The following RTN1 variants were observed in gnomAD, a reference collection of about 807,000 sequenced individuals.
RTN1 encodes the protein reticulon 1.
Under a neutral mutation model 65.5 loss-of-function variants are expected in RTN1, and 25 were observed. That is an observed-to-expected ratio of 0.38 (90% CI 0.28 to 0.53). RTN1 has a LOEUF of 0.53. RTN1 is among the 20% of genes least tolerant of loss of function. The pLI, the probability that RTN1 is intolerant of heterozygous loss-of-function variation, is 0.79. For missense variants in RTN1, 983 were observed against 1,025.4 expected (o/e 0.96, Z 0.57); for synonymous variants, 471 against 447.6 (o/e 1.05, Z -0.66).
rs185208011 is a variant in RTN1, at chr14:59,821,329, C to T, written c.241+49061G>A. Reference sequence around the variant, plus strand: ...TCTCAGCTTGGATGTTGTTGGTCTACAGAAATGCTCCTGATTTTTGTACGT... The same window carrying T: ...TCTCAGCTTGGATGTTGTTGGTCTATAGAAATGCTCCTGATTTTTGTACGT... On this transcript the variant is annotated intron_variant, in intron 1 of 8. Transcript: ENST00000267484. 2.0e-5 allele frequency among the ~76,000 whole-genome samples: 3 copies of T among 152,280 alleles called. No individual in the cohort carries two copies. In the East Asian group the frequency reaches 5.8e-4, roughly 29 times the overall value.
intron 3 of RTN1, among the ~76,000 whole-genome samples, chr14:59,703,855 T>C (rs1425653410): frequency 6.6e-6 from 1 of 152,224 alleles, no homozygotes; most frequent in Non-Finnish European, 1.5e-5. Context: ...TGACCATTAT[T>C]TAAAATGGCA....
chr14:59,823,252 T>C (rs560328811), intron 1 of RTN1, among the ~76,000 whole-genome samples: 1 of 152,266 alleles, frequency 6.6e-6, no homozygotes, highest in African/African-American at 2.4e-5. Flanking sequence ...CCTTTGTCAT[T>C]ATGTAATGTC....
At chr14:59,731,785 T>G (rs1296318841) in intron 2 of RTN1, among the ~76,000 whole-genome samples, 5 of 152,190 alleles carry the variant, frequency 3.3e-5, no homozygotes, top group African/African-American at 7.2e-5. Flanking sequence ...TTCTTCAGAT[T>G]TTCCTCCTAG....
At chr14:59,813,982 A>G (rs1045528224) in intron 1 of RTN1, among the ~76,000 whole-genome samples, 1 of 152,236 alleles carries the variant, frequency 6.6e-6, no homozygotes, top group African/African-American at 2.4e-5. Flanking sequence ...GCATGTTATC[A>G]GAAACACTTT....
chr14:59,743,138 T>C (rs112306399), intron 2 of RTN1, among the ~76,000 whole-genome samples: 2,577 of 152,296 alleles, frequency 0.017, 74 homozygotes, highest in African/African-American at 0.06. Flanking sequence ...AACCCCATAC[T>C]GTCAAGTGGG....
intron 1 of RTN1, among the ~76,000 whole-genome samples, chr14:59,852,192 AG>A (rs1041036281): frequency 2.0e-5 from 3 of 152,254 alleles, no homozygotes; most frequent in African/African-American, 7.2e-5. Context: ...AATGGCACAT[AG>A]GGGCTACAAT....
chr14:59,865,274 T>C (rs1183757058), intron 1 of RTN1, among the ~76,000 whole-genome samples: 1 of 152,154 alleles, frequency 6.6e-6, no homozygotes, highest in Non-Finnish European at 1.5e-5. Flanking sequence ...AAATCACTTA[T>C]CAATTTCAGC....
At chr14:59,683,360 C>T (rs184728720) in intron 3 of RTN1, among the ~76,000 whole-genome samples, 6 of 151,832 alleles carry the variant, frequency 4.0e-5, no homozygotes, top group Admixed American at 2.6e-4. Context: ...TTTGAAATGA[C>T]GTGGATTCAA....
chr14:59,623,182 C>T (rs540777066), intron 3 of RTN1, among the ~76,000 whole-genome samples: 8 of 152,352 alleles, frequency 5.3e-5, no homozygotes, highest in Admixed American at 6.5e-5. Flanking sequence ...GACTCCTCCT[C>T]GGGCTGGACT....
chr14:59,685,731 C>T (rs1235623571), intron 3 of RTN1, among the ~76,000 whole-genome samples: 1 of 152,120 alleles, frequency 6.6e-6, no homozygotes, highest in Non-Finnish European at 1.5e-5. Flanking sequence ...GTTAACATGT[C>T]CATCCTACCC....
intron 3 of RTN1, among the ~76,000 whole-genome samples, chr14:59,667,580 A>G (rs1333547526): frequency 1.3e-5 from 2 of 152,222 alleles, no homozygotes; most frequent in South Asian, 4.1e-4. Flanking sequence ...CACCACTCCT[A>G]TTCAACATAG....
chr14:59,726,926 C>A lies in RTN1; in HGVS notation c.1758G>T (p.Lys586Asn). Residue 586 changes from lysine to asparagine, a missense_variant, in exon 3 of 9, where the codon AAG (lysine) becomes AAT (asparagine). By Grantham distance (94) the Lys-to-Asn change is moderately conservative. Around this residue, in one of 2 missense-constraint regions of RTN1, gnomAD observed 818 missense variants for 801.8 expected, o/e 1.02. Transcript: ENST00000267484. The part of the protein sequence containing the change: ...GAPPPLLFLN[K>N]QKAIDLLYWR... ...CTGCTTGGGATCCTTTACCTTTTTGCTTATTGAGAAACAGCAGTGGGGGCG... is the reference window on the plus strand; with the variant it reads ...CTGCTTGGGATCCTTTACCTTTTTGATTATTGAGAAACAGCAGTGGGGGCG... 6.2e-7 allele frequency: 1 copy of A among 1,610,638 alleles called. No homozygotes were observed. Among genetic ancestry groups the A allele is most frequent in the Non-Finnish European group, 8.5e-7 (1 of 1,178,670 alleles).
chr14:59,687,641 C>T (rs991556820), intron 3 of RTN1, among the ~76,000 whole-genome samples: 1 of 151,626 alleles, frequency 6.6e-6, no homozygotes, highest in African/African-American at 2.4e-5. Context: ...TGCAAAGGTG[C>T]AGACACAAGT....
intron 1 of RTN1, among the ~76,000 whole-genome samples, chr14:59,863,821 A>C (rs1426291497): frequency 2.0e-5 from 3 of 152,088 alleles, no homozygotes; most frequent in Non-Finnish European, 4.4e-5. Flanking sequence ...GCTAATAACA[A>C]CTTCATTCTT....
intron 1 of RTN1, among the ~76,000 whole-genome samples, chr14:59,754,816 C>A (rs1326704318): frequency 6.6e-6 from 1 of 152,074 alleles, no homozygotes; most frequent in Non-Finnish European, 1.5e-5. Context: ...TTTCATGTAT[C>A]CAGCCCACAC....
chr14:59,604,092 CT>C (rs1183908186), intron 5 of RTN1, 171 bp from the exon 6 acceptor site: 5 of 452,952 alleles, frequency 1.1e-5, no homozygotes, highest in African/African-American at 9.9e-5. Flanking sequence ...GGATCCAGTC[CT>C]TAGTTCTCTT....
At chr14:59,676,217 C>T (rs1883624438) in intron 3 of RTN1, among the ~76,000 whole-genome samples, 1 of 152,188 alleles carries the variant, frequency 6.6e-6, no homozygotes. Context: ...GACTAACTGT[C>T]TTCAACTTGA....
chr14:59,608,452 T>A (rs1279900204), intron 3 of RTN1, among the ~76,000 whole-genome samples: 1 of 152,154 alleles, frequency 6.6e-6, no homozygotes, highest in Non-Finnish European at 1.5e-5. Flanking sequence ...TTTACATGGG[T>A]GTGTAATTAG....
intron 3 of RTN1, among the ~76,000 whole-genome samples, chr14:59,688,317 C>A (rs956059921): frequency 5.9e-5 from 9 of 152,184 alleles, no homozygotes; most frequent in African/African-American, 2.2e-4. Context: ...CACCACCATG[C>A]AGAGACCTTG....
Sources: allele counts gnomAD v4.1 joint callset (sites outside exome capture counted in the v4.1 genomes callset), GRCh38; gene constraint gnomAD v4.1.1; regional missense constraint gnomAD v4.1.1; transcripts MANE v1.5; gene names NCBI Gene and HGNC (gene_info 2026-07-23, HGNC 2026-07-21).